Variants in SCAMP5 observed in about 807,000 individuals in gnomAD.
SCAMP5 encodes the protein secretory carrier-associated membrane protein 5.
A neutral mutation model predicts 28.3 loss-of-function variants in SCAMP5; 7 were observed. The observed-to-expected ratio is 0.25, with a 90% CI of 0.14 to 0.46. The LOEUF (loss-of-function observed/expected upper bound fraction) is 0.46. SCAMP5 is among the 20% of genes least tolerant of loss of function. The pLI, the probability that SCAMP5 is intolerant of heterozygous loss-of-function variation, is 0.99. For synonymous variants in SCAMP5, 117 were observed against 116.4 expected (o/e 1.00, Z -0.03); for missense variants, 192 against 312.5 (o/e 0.61, Z 2.91).
chr15:75,000,870 C>T (rs774146188), intron 1 of SCAMP5, among the ~76,000 whole-genome samples: 1 of 152,070 alleles, frequency 6.6e-6, no homozygotes, highest in African/African-American at 2.4e-5. Context: ...TCCTCTGCCT[C>T]TTTCGTTCCT....
chr15:75,010,986 C>T (rs1472729063), intron 1 of SCAMP5, among the ~76,000 whole-genome samples: 1 of 152,090 alleles, frequency 6.6e-6, no homozygotes, highest in Non-Finnish European at 1.5e-5. Context: ...AGGTGGATTG[C>T]TTGAGCCTAG....
chr15:75,007,498 C>G (rs1031068644), intron 1 of SCAMP5: 3 of 152,280 alleles, frequency 2.0e-5, no homozygotes, highest in South Asian at 2.0e-4. Flanking sequence ...AGTGATCCTC[C>G]CACCTCAGCC....
chr15:75,012,358 C>A (rs1368154660), intron 2 of SCAMP5, among the ~76,000 whole-genome samples: 2 of 152,238 alleles, frequency 1.3e-5, no homozygotes, highest in African/African-American at 2.4e-5. Flanking sequence ...CACACATCCG[C>A]TTCTTCTGCC....
At chr15:75,008,635 G>A (rs1159823332) in intron 1 of SCAMP5, among the ~76,000 whole-genome samples, 1 of 152,018 alleles carries the variant, frequency 6.6e-6, no homozygotes, top group Admixed American at 6.6e-5. Context: ...GAGTAGTTGG[G>A]ATTACAGGCT....
chr15:75,002,724 A>G (rs938185865), intron 1 of SCAMP5, among the ~76,000 whole-genome samples: 1 of 143,162 alleles, frequency 7.0e-6, no homozygotes, highest in Non-Finnish European at 1.5e-5. Context: ...TTCCCCAACT[A>G]TCCTATTCTG....
rs2065821850 is a variant in SCAMP5 at position 75,012,609 on chromosome 15, A to C, written c.8-68A>C. On this transcript the variant is annotated intron_variant, in intron 2 of 6. Transcript: ENST00000425597. ...CCAATGGGGCAGCACAGCCAGGGGA[A>C]GGATGGGCGTCTTGGATTGTCGGGT... 2.5e-6 allele frequency: 4 copies of C among 1,589,854 alleles called. No homozygotes were observed. The African/African-American group carries it at 5.4e-5, about 21-fold the overall frequency.
In SCAMP5 at chr15:75,014,081, A is replaced by G. The variant is rs193252930; in HGVS notation, c.136+1276A>G. ...GCCCCAGGATCCCAAGATACCCGCAATGTAACTGCAGTTGGGTTCTGCTAT... is the reference window on the plus strand; with the variant it reads ...GCCCCAGGATCCCAAGATACCCGCAGTGTAACTGCAGTTGGGTTCTGCTAT... On this transcript the variant is annotated intron_variant, in intron 3 of 6. Transcript: ENST00000425597. 1.1e-3 allele frequency among the ~76,000 whole-genome samples: 172 copies of G among 152,224 alleles called. 1 individual carries two copies. The highest frequency in any genetic ancestry group is 3.4e-3 in the Middle Eastern group (1 of 294).
At chr15:75,009,328 T>C (rs1255095433) in intron 1 of SCAMP5, among the ~76,000 whole-genome samples, 1 of 152,170 alleles carries the variant, frequency 6.6e-6, no homozygotes, top group African/African-American at 2.4e-5. Context: ...TTGTGGTAGA[T>C]GTTACTGGGT....
chr15:75,014,259 C>A lies in SCAMP5; in HGVS notation c.136+1454C>A, dbSNP rs113772116. ...GGGGCAGACAGACTCAGTTTCAAGGCCTGGCTTGGCCTTTGAGTGAAGAAG... is the reference window on the plus strand; with the variant it reads ...GGGGCAGACAGACTCAGTTTCAAGGACTGGCTTGGCCTTTGAGTGAAGAAG... On this transcript the variant is annotated intron_variant, in intron 3 of 6. Coordinates refer to ENST00000425597, the MANE Select transcript of SCAMP5 (RefSeq NM_138967.4). Among the ~76,000 whole-genome samples the A allele has an allele frequency of 6.6e-3, 1,004 of 152,072 alleles. 11 individuals are homozygous for A. Among genetic ancestry groups the A allele is most frequent in the African/African-American group, 0.023 (949 of 41,466 alleles).
intron 1 of SCAMP5, among the ~76,000 whole-genome samples, chr15:75,002,320 A>G (rs1041446707): frequency 6.6e-6 from 1 of 151,684 alleles, no homozygotes; most frequent in Non-Finnish European, 1.5e-5. Flanking sequence ...GGCTTTGTCT[A>G]TCAGGTAACA....
chr15:75,007,917 C>G (rs2065775602), intron 1 of SCAMP5, among the ~76,000 whole-genome samples: 1 of 152,002 alleles, frequency 6.6e-6, no homozygotes, highest in South Asian at 2.1e-4. Context: ...CCAGGCTGGT[C>G]TCGAACTCCT....
Position 75,019,129 on chromosome 15 carries a change from A to ATATG in SCAMP5, c.*149_*150insGTAT, listed in dbSNP as rs1725801341. 3 of 487,758 alleles carry ATATG rather than the reference A, an allele frequency of 6.2e-6. No homozygotes were observed. Among genetic ancestry groups the ATATG allele is most frequent in the African/African-American group, 4.1e-5 (2 of 48,838 alleles). The allele number at this position is 487,758 out of a possible 1,614,324, so 30.2% of individuals were successfully genotyped here. ...CAAAGGACCAGAGTTATATATATAT[A>ATATG]TATATGTATATGTCTGTACCCCAGC... On this transcript the variant is annotated 3_prime_UTR_variant, in exon 7 of 7. Coordinates refer to ENST00000425597, the MANE Select transcript of SCAMP5 (RefSeq NM_138967.4).
intron 1 of SCAMP5, among the ~76,000 whole-genome samples, chr15:75,011,166 AC>A (rs2065807813): frequency 6.6e-6 from 1 of 152,048 alleles, no homozygotes; most frequent in South Asian, 2.1e-4. Flanking sequence ...GGATTATACC[AC>A]TGCACTCCAG....
In SCAMP5 at chr15:75,011,790, A is replaced by C; in HGVS notation, c.-48-2A>C. 3.8e-6 allele frequency: 6 copies of C among 1,582,790 alleles called. No homozygotes were observed. The highest frequency in any genetic ancestry group is 5.2e-6 in the Non-Finnish European group (6 of 1,152,992). On this transcript the variant is annotated splice_acceptor_variant, in intron 1 of 6. Transcript: ENST00000425597. LOFTEE classifies it low-confidence loss of function (5UTR_SPLICE). ...CCTTCTCTGGCTTTTCTTTCCTTGC[A>C]GTTCAGGACAAAGAGGTGTGGGCAG...
At chr15:75,013,518 G>C (rs1252547278) in intron 3 of SCAMP5, among the ~76,000 whole-genome samples, 6 of 152,154 alleles carry the variant, frequency 3.9e-5, no homozygotes, top group African/African-American at 1.4e-4. Context: ...AGGCAACACA[G>C]CAAGACCCCT....
At position 75,018,004 on chromosome 15, in the gene SCAMP5, G is replaced by A; in HGVS notation, c.395+33G>A. On this transcript the variant is annotated intron_variant, in intron 5 of 6. Coordinates refer to ENST00000425597, the MANE Select transcript of SCAMP5 (RefSeq NM_138967.4). This position sits in a 1 kb window ranked among gnomAD's most constrained non-coding sequence, Gnocchi z 5.6. ...GCAGGGGTGTGGCCTGGGGCTGGCA[G>A]GGGTGGCGTTGTGGGTGTATCTTTT... The A allele has an allele frequency of 7.1e-7, 1 of 1,402,302 alleles. No individual in the cohort carries two copies. The highest frequency in any genetic ancestry group is 1.0e-6 in the Non-Finnish European group (1 of 989,030). 86.9% of individuals were successfully genotyped at this position (1,402,302 alleles called of 1,614,324 possible). A position where few individuals can be genotyped will look rare whatever the true frequency, so the allele number is the denominator to read the frequency against.
At chr15:75,016,563 C>T in intron 3 of SCAMP5, 30 bp from the exon 4 acceptor site, 1 of 1,601,810 alleles carries the variant, frequency 6.2e-7, no homozygotes, top group Non-Finnish European at 8.5e-7. Flanking sequence ...GTGTCTGTCT[C>T]TATGTGTGCA....
At chr15:75,002,720 A>G (rs1289138126) in intron 1 of SCAMP5, among the ~76,000 whole-genome samples, 4 of 148,080 alleles carry the variant, frequency 2.7e-5, no homozygotes, top group African/African-American at 9.9e-5. Flanking sequence ...ATTCTTCCCC[A>G]ACTATCCTAT....
At chr15:75,012,123 G>T (rs902020214) in intron 2 of SCAMP5, among the ~76,000 whole-genome samples, 2 of 152,188 alleles carry the variant, frequency 1.3e-5, no homozygotes, top group Non-Finnish European at 2.9e-5. Flanking sequence ...TGCATGAGTG[G>T]CTCAGCCCTC....
Sources: allele counts gnomAD v4.1 joint callset (sites outside exome capture counted in the v4.1 genomes callset), GRCh38; gene constraint gnomAD v4.1.1; non-coding constraint Gnocchi (gnomAD v3.1); transcripts MANE v1.5; gene names NCBI Gene and HGNC (gene_info 2026-07-23, HGNC 2026-07-21).